STXBP5L: variants seen among roughly 807,000 people sequenced by gnomAD.
STXBP5L encodes syntaxin-binding protein 5-like.
Under a neutral mutation model 144.5 loss-of-function variants are expected in STXBP5L, and 65 were observed. That is an observed-to-expected ratio of 0.45 (90% CI 0.37 to 0.55). The LOEUF is 0.55. STXBP5L is among the 20% of genes least tolerant of loss of function. The pLI is 0.00. For synonymous variants in STXBP5L, 505 were observed against 469.6 expected (o/e 1.08, Z -0.97); for missense variants, 1,298 against 1,405.5 (o/e 0.92, Z 1.22).
At chr3:121,110,207 T>C (rs568473072) in intron 5 of STXBP5L, among the ~76,000 whole-genome samples, 12 of 152,316 alleles carry the variant, frequency 7.9e-5, no homozygotes, top group African/African-American at 2.9e-4. Flanking sequence ...CTCATTTACA[T>C]TTAAGGTTAA....
chr3:121,387,010 C>T (rs981762973), intron 22 of STXBP5L, among the ~76,000 whole-genome samples: 1 of 152,170 alleles, frequency 6.6e-6, no homozygotes, highest in African/African-American at 2.4e-5. Context: ...AACTAATTTA[C>T]ACTCCCACCA....
chr3:121,402,418 C>A (rs969236962), intron 22 of STXBP5L, among the ~76,000 whole-genome samples: 4 of 152,152 alleles, frequency 2.6e-5, no homozygotes, highest in African/African-American at 7.2e-5. Context: ...TCACTGGAAC[C>A]TTAATCTATT....
intron 3 of STXBP5L, among the ~76,000 whole-genome samples, chr3:121,027,089 G>A (rs543920277): frequency 6.6e-6 from 1 of 151,884 alleles, no homozygotes; most frequent in African/African-American, 2.4e-5. Flanking sequence ...TTCTATTTAT[G>A]TGTATATATG....
At chr3:121,222,316 A>G (rs541499215) in intron 10 of STXBP5L, among the ~76,000 whole-genome samples, 2 of 152,228 alleles carry the variant, frequency 1.3e-5, no homozygotes, top group Non-Finnish European at 2.9e-5. Context: ...TTATCTAATT[A>G]TATCTTATAA....
At chr3:121,240,950 C>T (rs2049645605) in intron 14 of STXBP5L, among the ~76,000 whole-genome samples, 1 of 151,910 alleles carries the variant, frequency 6.6e-6, no homozygotes, top group Non-Finnish European at 1.5e-5. Flanking sequence ...ATATTAGGAA[C>T]AAAAATAGAG....
intron 10 of STXBP5L, among the ~76,000 whole-genome samples, chr3:121,212,841 C>T (rs1235786591): frequency 6.6e-6 from 1 of 152,112 alleles, no homozygotes; most frequent in Non-Finnish European, 1.5e-5. Flanking sequence ...TCTTCCTATC[C>T]ATTAGCATGG....
At chr3:121,222,911 T>C in intron 10 of STXBP5L, 92 bp from the exon 11 acceptor site, 1 of 1,401,822 alleles carries the variant, frequency 7.1e-7, no homozygotes, top group Non-Finnish European at 9.5e-7. Flanking sequence ...TTATATGGTA[T>C]GCAACAAAAC....
intron 3 of STXBP5L, among the ~76,000 whole-genome samples, chr3:120,989,948 T>C (rs1008138789): frequency 6.6e-6 from 1 of 152,208 alleles, no homozygotes; most frequent in Non-Finnish European, 1.5e-5. Context: ...GTGTTGGAAG[T>C]TCTGGCCAGG....
At chr3:121,299,537 C>T (rs954896229) in intron 19 of STXBP5L, among the ~76,000 whole-genome samples, 11 of 151,924 alleles carry the variant, frequency 7.2e-5, no homozygotes, top group Non-Finnish European at 1.3e-4. Context: ...CTTGAATACA[C>T]GTCACTAGAA....
chr3:121,044,339 C>T (rs1412241711), intron 4 of STXBP5L, among the ~76,000 whole-genome samples: 1 of 152,018 alleles, frequency 6.6e-6, no homozygotes, highest in Middle Eastern at 3.2e-3. Context: ...ATTTTTTTGG[C>T]TTAGAAATTA....
intron 10 of STXBP5L, among the ~76,000 whole-genome samples, chr3:121,214,781 C>A (rs889023475): frequency 6.6e-6 from 1 of 151,962 alleles, no homozygotes; most frequent in African/African-American, 2.4e-5. Flanking sequence ...GTCTCATTGA[C>A]CTGTCTAATA....
intron 20 of STXBP5L, among the ~76,000 whole-genome samples, chr3:121,355,558 A>G (rs117412320): frequency 9.2e-5 from 14 of 152,022 alleles, no homozygotes. Flanking sequence ...GGTCTTCTCT[A>G]TTCTGTTTAT....
At chr3:121,388,380 AC>A (rs2046483510) in intron 22 of STXBP5L, among the ~76,000 whole-genome samples, 1 of 152,056 alleles carries the variant, frequency 6.6e-6, no homozygotes, top group African/African-American at 2.4e-5. Context: ...CTAATTGAAT[AC>A]CCCCTATTTC....
At chr3:121,337,439 T>TAAAAA (rs59662899) in intron 20 of STXBP5L, among the ~76,000 whole-genome samples, 34 of 71,070 alleles carry the variant, frequency 4.8e-4, no homozygotes, top group African/African-American at 1.4e-3. Flanking sequence ...GCAACAACAG[T>TAAAAA]AAAAAAAAAA....
chr3:121,263,331 G>T (rs2050446672), intron 18 of STXBP5L, among the ~76,000 whole-genome samples: 2 of 152,126 alleles, frequency 1.3e-5, no homozygotes, highest in Admixed American at 1.3e-4. Flanking sequence ...CAACATCAAA[G>T]ACCAAAAGTA....
intron 20 of STXBP5L, among the ~76,000 whole-genome samples, chr3:121,338,608 A>AG (rs1553770440): frequency 0.018 from 2,598 of 147,152 alleles, 80 homozygotes; most frequent in African/African-American, 0.059. Flanking sequence ...AAAAAAAAAA[A>AG]AGAGAGAAAG....
At chr3:121,238,532 A>T (rs982155719) in intron 12 of STXBP5L, among the ~76,000 whole-genome samples, 1 of 152,198 alleles carries the variant, frequency 6.6e-6, no homozygotes, top group Non-Finnish European at 1.5e-5. Context: ...TCCAAACCAT[A>T]GCACTCCCAT....
chr3:120,990,640 CA>C (rs1942752755), intron 3 of STXBP5L, among the ~76,000 whole-genome samples: 1 of 152,048 alleles, frequency 6.6e-6, no homozygotes. Context: ...AGATATAGAC[CA>C]ATGGAACAGA....
chr3:120,914,287 C>A (rs1212910422), intron 2 of STXBP5L, among the ~76,000 whole-genome samples: 1 of 151,920 alleles, frequency 6.6e-6, no homozygotes, highest in Admixed American at 6.6e-5. Context: ...ATGACATAAT[C>A]CCTAAATTTC....
Sources: allele counts gnomAD v4.1 joint callset (sites outside exome capture counted in the v4.1 genomes callset), GRCh38; gene constraint gnomAD v4.1.1; transcripts MANE v1.5; gene names NCBI Gene and HGNC (gene_info 2026-07-23, HGNC 2026-07-21).